FGF7: variants seen among roughly 807,000 people sequenced by gnomAD.
FGF7 encodes the protein FGF-7.
In FGF7, 6 loss-of-function variants were observed where a neutral mutation model predicts 20.5. That is an observed-to-expected ratio of 0.29 (90% CI 0.16 to 0.58). FGF7 has a LOEUF of 0.58. FGF7 is among the 20% of genes least tolerant of loss of function. The probability of loss-of-function intolerance (pLI) is 0.90; values close to 1 mark genes in which losing one functional copy is unlikely to be tolerated. For missense variants in FGF7, 144 were observed against 228.8 expected (o/e 0.63, Z 2.39); for synonymous variants, 64 against 74.7 (o/e 0.86, Z 0.74).
At chr15:49,464,891 C>T (rs371018998) in intron 2 of FGF7, among the ~76,000 whole-genome samples, 16 of 152,098 alleles carry the variant, frequency 1.1e-4, no homozygotes, top group East Asian at 3.9e-4. Flanking sequence ...AAATGAATAA[C>T]GTAAGACATA....
Position 49,488,029 on chromosome 15 carries a change from G to A in FGF7, c.*3525G>A, listed in dbSNP as rs1431646970. 6.6e-6 allele frequency: 1 copy of A among 151,876 alleles called. No homozygotes were observed. The highest frequency in any genetic ancestry group is 6.6e-5 in the Admixed American group (1 of 15,210). 9.4% of individuals were successfully genotyped at this position (151,876 alleles called of 1,614,324 possible). ...ACTCAAATTCACCACGCATAGGAGT[G>A]ATAACAAAAATATTTAACAGTCAGT... On this transcript the variant is annotated 3_prime_UTR_variant, in exon 4 of 4. Coordinates refer to ENST00000267843, the MANE Select transcript of FGF7 (RefSeq NM_002009.4).
At chr15:49,474,784 T>A (rs1250279715) in intron 2 of FGF7, among the ~76,000 whole-genome samples, 4 of 152,018 alleles carry the variant, frequency 2.6e-5, no homozygotes, top group African/African-American at 4.8e-5. Flanking sequence ...TGAACCCTAT[T>A]GTGAACTGCA....
At chr15:49,462,867 A>T (rs1387514127) in intron 2 of FGF7, among the ~76,000 whole-genome samples, 2 of 151,560 alleles carry the variant, frequency 1.3e-5, no homozygotes, top group Non-Finnish European at 2.9e-5. Context: ...ATTACATTCA[A>T]AATAAATAAA....
At chr15:49,452,204 G>C (rs960812732) in intron 2 of FGF7, among the ~76,000 whole-genome samples, 6 of 151,990 alleles carry the variant, frequency 3.9e-5, no homozygotes, top group Non-Finnish European at 8.8e-5. Flanking sequence ...ACCATGCCCA[G>C]CTAATTTTTG....
chr15:49,462,196 A>T (rs909718370), intron 2 of FGF7, among the ~76,000 whole-genome samples: 2 of 152,126 alleles, frequency 1.3e-5, no homozygotes, highest in African/African-American at 4.8e-5. Flanking sequence ...ATGACTTAGG[A>T]GGATCTGGGA....
intron 2 of FGF7, among the ~76,000 whole-genome samples, chr15:49,446,350 T>A (rs945851114): frequency 6.6e-6 from 1 of 151,724 alleles, no homozygotes; most frequent in African/African-American, 2.4e-5. Context: ...GGTGACATTG[T>A]GTAATAATGG....
Position 49,424,495 on chromosome 15 carries a change from G to T in FGF7, c.198G>T (p.Val66=). ...ACATGGAAGGAGGGGATATAAGAGTGAGAAGACTCTTCTGTCGAACACAGT... is the reference window on the plus strand; with the variant it reads ...ACATGGAAGGAGGGGATATAAGAGTTAGAAGACTCTTCTGTCGAACACAGT... ...YDYMEGGDIR[V]RRLFCRTQWY... Residue 66 remains valine, a synonymous_variant, in exon 2 of 4, where the codon GTG becomes GTT. Coordinates refer to ENST00000267843, the MANE Select transcript of FGF7 (RefSeq NM_002009.4). 6.2e-7 allele frequency: 1 copy of T among 1,613,008 alleles called. No individual in the cohort carries two copies. The highest frequency in any genetic ancestry group is 8.5e-7 in the Non-Finnish European group (1 of 1,179,172).
At chr15:49,425,440 C>G (rs1256755415) in intron 2 of FGF7, 1 of 151,946 alleles carries the variant, frequency 6.6e-6, no homozygotes, top group Non-Finnish European at 1.5e-5. Flanking sequence ...ATAAGATACA[C>G]ACCTCAACAT....
chr15:49,437,637 T>C (rs2051228258), intron 2 of FGF7, among the ~76,000 whole-genome samples: 1 of 151,700 alleles, frequency 6.6e-6, no homozygotes, highest in South Asian at 2.1e-4. Context: ...GTCTTAAGAA[T>C]ATCTTAGAAG....
chr15:49,427,243 A>G (rs2050207442), intron 2 of FGF7, among the ~76,000 whole-genome samples: 1 of 152,206 alleles, frequency 6.6e-6, no homozygotes, highest in South Asian at 2.1e-4. Flanking sequence ...TTAAAATAAC[A>G]AGAATGGAAA....
intron 2 of FGF7, among the ~76,000 whole-genome samples, chr15:49,450,046 T>C (rs568019629): frequency 9.2e-5 from 14 of 152,226 alleles, no homozygotes; most frequent in African/African-American, 2.9e-4. Context: ...GGATCAGCAA[T>C]GCATGTGCCA....
At chr15:49,471,249 G>C (rs748395827) in intron 2 of FGF7, among the ~76,000 whole-genome samples, 1 of 69,682 alleles carries the variant, frequency 1.4e-5, no homozygotes, top group African/African-American at 3.8e-5. Context: ...ACTTTGGGAG[G>C]CCGAGGTGGG....
chr15:49,485,326 C>T lies in FGF7; in HGVS notation c.*822C>T, dbSNP rs2056314828. On this transcript the variant is annotated 3_prime_UTR_variant, in exon 4 of 4. Coordinates refer to ENST00000267843, the MANE Select transcript of FGF7 (RefSeq NM_002009.4). ...GTTTTTTTCAAGTAACATAATCTAT[C>T]TTTGTATAATTCATATTTGGGAATA... 1 of 152,006 alleles carries T rather than the reference C, an allele frequency of 6.6e-6. No homozygotes were observed. Among genetic ancestry groups the T allele is most frequent in the African/African-American group, 2.4e-5 (1 of 41,266 alleles). 9.4% of individuals were successfully genotyped at this position (152,006 alleles called of 1,614,324 possible). A position where few individuals can be genotyped will look rare whatever the true frequency, so the allele number is the denominator to read the frequency against.
At chr15:49,463,038 A>T (rs2053942487) in intron 2 of FGF7, among the ~76,000 whole-genome samples, 1 of 152,158 alleles carries the variant, frequency 6.6e-6, no homozygotes, top group South Asian at 2.1e-4. Flanking sequence ...TAGATTCAGG[A>T]TCTATATGAA....
At chr15:49,437,055 G>C (rs921197807) in intron 2 of FGF7, among the ~76,000 whole-genome samples, 3 of 151,464 alleles carry the variant, frequency 2.0e-5, no homozygotes, top group Admixed American at 6.6e-5. Flanking sequence ...AATTTAACTT[G>C]GTTGTATTTT....
chr15:49,433,007 C>T (rs190779115), intron 2 of FGF7, among the ~76,000 whole-genome samples: 6 of 151,338 alleles, frequency 4.0e-5, no homozygotes, highest in South Asian at 2.1e-4. Context: ...TTTTACTTTT[C>T]GAAAAAGTAG....
intron 2 of FGF7, among the ~76,000 whole-genome samples, chr15:49,460,044 C>T (rs2053653166): frequency 6.6e-6 from 1 of 152,174 alleles, no homozygotes; most frequent in Non-Finnish European, 1.5e-5. Context: ...CTCACCACTG[C>T]CTAGTTTGTC....
At position 49,488,183 on chromosome 15, in the gene FGF7, G is replaced by T. The variant is rs568744006; in HGVS notation, c.*3679G>T. 1 of 151,790 alleles carries T rather than the reference G, an allele frequency of 6.6e-6. No homozygotes were observed. The highest frequency in any genetic ancestry group is 1.5e-5 in the Non-Finnish European group (1 of 67,870). 9.4% of individuals were successfully genotyped at this position (151,790 alleles called of 1,614,324 possible). ...AGAGTTGGGAAAATATCTATTAACT[G>T]GTCTCTCTGGTTTGAATTCTCAATA... On this transcript the variant is annotated 3_prime_UTR_variant, in exon 4 of 4. Coordinates refer to ENST00000267843, the MANE Select transcript of FGF7 (RefSeq NM_002009.4).
chr15:49,450,386 T>C (rs2052614890), intron 2 of FGF7, among the ~76,000 whole-genome samples: 1 of 152,104 alleles, frequency 6.6e-6, no homozygotes. Flanking sequence ...ATTATGTTGC[T>C]AAAGATATTT....
Sources: allele counts gnomAD v4.1 joint callset (sites outside exome capture counted in the v4.1 genomes callset), GRCh38; gene constraint gnomAD v4.1.1; transcripts MANE v1.5; gene names NCBI Gene and HGNC (gene_info 2026-07-23, HGNC 2026-07-21).